The following PTCHD4 variants were observed in gnomAD, a reference collection of about 807,000 sequenced individuals.
PTCHD4 encodes patched domain-containing protein 4.
A neutral mutation model predicts 58.1 loss-of-function variants in PTCHD4; 33 were observed. That is an observed-to-expected ratio of 0.57 (90% CI 0.43 to 0.76). The LOEUF is 0.76. PTCHD4 is among the 30% of genes least tolerant of loss of function. The pLI, the probability that PTCHD4 is intolerant of heterozygous loss-of-function variation, is 0.00. For synonymous variants in PTCHD4, 478 were observed against 409.6 expected, an observed-to-expected ratio of 1.17 and a Z score of -2.02; for missense variants, 1,058 against 1,027.1, an observed-to-expected ratio of 1.03 and a Z score of -0.41.
intron 3 of PTCHD4, among the ~76,000 whole-genome samples, chr6:48,027,362 A>C (rs1277236414): frequency 1.3e-5 from 2 of 152,156 alleles, no homozygotes; most frequent in African/African-American, 4.8e-5. Flanking sequence ...TAATGAAAAC[A>C]CTACATCTTT....
chr6:48,016,732 C>T (rs1248031908), intron 3 of PTCHD4, among the ~76,000 whole-genome samples: 4 of 150,914 alleles, frequency 2.7e-5, no homozygotes, highest in African/African-American at 7.4e-5. Context: ...TTCAATAGCT[C>T]TAGAGTAGAA....
chr6:47,949,928 G>A lies in PTCHD4; in HGVS notation c.898+58706C>T, dbSNP rs995774087. Among the ~76,000 whole-genome samples the A allele has an allele frequency of 3.3e-5, 5 of 151,832 alleles. No homozygotes were observed. The East Asian group carries it at 7.7e-4, about 24-fold the overall frequency. ...AAGTTTTAGGGTATATGTGCACAGT[G>A]TGAAGGTTTGTTACATATGTATACA... is the stretch of plus-strand genomic sequence containing the variant. On this transcript the variant is annotated intron_variant, in intron 4 of 4. Coordinates refer to ENST00000339488, the MANE Select transcript of PTCHD4 (RefSeq NM_001384253.1).
At chr6:47,919,737 AT>A (rs1217003150) in intron 4 of PTCHD4, among the ~76,000 whole-genome samples, 1 of 152,144 alleles carries the variant, frequency 6.6e-6, no homozygotes, top group Non-Finnish European at 1.5e-5. Flanking sequence ...TTAGGCTGTG[AT>A]TTTTAATTTT....
intron 4 of PTCHD4, among the ~76,000 whole-genome samples, chr6:47,972,840 A>C (rs1767568674): frequency 6.6e-6 from 1 of 151,960 alleles, no homozygotes; most frequent in Non-Finnish European, 1.5e-5. Flanking sequence ...TATTGATTAG[A>C]ATTGTTTAAT....
intron 3 of PTCHD4, among the ~76,000 whole-genome samples, chr6:48,033,561 A>G (rs1317978759): frequency 6.6e-6 from 1 of 151,800 alleles, no homozygotes; most frequent in Non-Finnish European, 1.5e-5. Context: ...GCCCCAGGCC[A>G]TATGTATGGC....
intron 3 of PTCHD4, among the ~76,000 whole-genome samples, chr6:48,014,254 A>T (rs568580890): frequency 6.6e-6 from 1 of 152,308 alleles, no homozygotes; most frequent in East Asian, 1.9e-4. Flanking sequence ...AGTTCTGAGA[A>T]ATACACTTTT....
intron 4 of PTCHD4, among the ~76,000 whole-genome samples, chr6:47,925,251 A>G (rs933422162): frequency 1.3e-5 from 2 of 151,704 alleles, no homozygotes; most frequent in African/African-American, 4.8e-5. Flanking sequence ...CTCCTCCAGC[A>G]TCTAAGCTTC....
intron 4 of PTCHD4, among the ~76,000 whole-genome samples, chr6:47,968,581 C>T (rs954733286): frequency 7.9e-5 from 12 of 152,160 alleles, no homozygotes; most frequent in Admixed American, 5.2e-4. Context: ...GTAAATAAGC[C>T]TTTGGCCACT....
intron 3 of PTCHD4, among the ~76,000 whole-genome samples, chr6:48,062,510 G>A (rs1015050220): frequency 6.6e-6 from 1 of 151,982 alleles, no homozygotes; most frequent in Non-Finnish European, 1.5e-5. Context: ...AAAATAAAAG[G>A]AAGCTTAAAA....
chr6:47,910,495 C>T (rs994453076), intron 4 of PTCHD4, among the ~76,000 whole-genome samples: 1 of 152,040 alleles, frequency 6.6e-6, no homozygotes, highest in South Asian at 2.1e-4. Context: ...TTAATAAAAC[C>T]CTTTAGAAAC....
At chr6:48,024,924 G>A (rs557936333) in intron 3 of PTCHD4, among the ~76,000 whole-genome samples, 1 of 152,264 alleles carries the variant, frequency 6.6e-6, no homozygotes, top group Admixed American at 6.5e-5. Context: ...TAAAATGGTA[G>A]TATGCAAAAG....
At chr6:47,880,948 A>G (rs1423548943) in intron 4 of PTCHD4, among the ~76,000 whole-genome samples, 2 of 152,180 alleles carry the variant, frequency 1.3e-5, no homozygotes, top group Admixed American at 1.3e-4. Context: ...CCTGTCAATG[A>G]CCATCCATAA....
intron 3 of PTCHD4, among the ~76,000 whole-genome samples, chr6:48,054,279 G>A (rs1764334372): frequency 2.0e-5 from 3 of 152,084 alleles, no homozygotes; most frequent in African/African-American, 7.2e-5. Flanking sequence ...GCTTAATCTT[G>A]GATATAGTCC....
intron 1 of PTCHD4, among the ~76,000 whole-genome samples, chr6:48,106,683 G>T (rs977056059): frequency 5.3e-5 from 8 of 152,178 alleles, no homozygotes. Flanking sequence ...CAGATGACAT[G>T]ATTGAATGTC....
chr6:47,989,794 G>C (rs1312975102), intron 4 of PTCHD4, among the ~76,000 whole-genome samples: 1 of 152,212 alleles, frequency 6.6e-6, no homozygotes, highest in Non-Finnish European at 1.5e-5. Flanking sequence ...GTGCAGATTG[G>C]AAATGTGGGG....
chr6:47,933,717 C>T (rs1271316577), intron 4 of PTCHD4, among the ~76,000 whole-genome samples: 5 of 152,004 alleles, frequency 3.3e-5, no homozygotes, highest in Admixed American at 3.3e-4. Flanking sequence ...ATCATGAGTA[C>T]TAGTTATTTA....
chr6:48,082,133 A>G (rs1027262889), intron 1 of PTCHD4, among the ~76,000 whole-genome samples: 9 of 152,192 alleles, frequency 5.9e-5, no homozygotes, highest in South Asian at 2.1e-4. Flanking sequence ...AAATATTCCA[A>G]TGCCTATGTC....
Position 47,866,607 on chromosome 6 carries a change from C to G in PTCHD4, c.*11696G>C, listed in dbSNP as rs1275674729. Among the ~76,000 whole-genome samples the G allele has an allele frequency of 6.6e-6, 1 of 151,818 alleles. No individual in the cohort carries two copies. Among genetic ancestry groups the G allele is most frequent in the Admixed American group, 6.6e-5 (1 of 15,206 alleles). ...CTCCCCAGGCCAACTCCAACCTTATCTATAACTCTAAAAAGCATAATTAGG... is the reference window on the plus strand; with the variant it reads ...CTCCCCAGGCCAACTCCAACCTTATGTATAACTCTAAAAAGCATAATTAGG... On this transcript the variant is annotated 3_prime_UTR_variant, in exon 5 of 5. Coordinates refer to ENST00000339488, the MANE Select transcript of PTCHD4 (RefSeq NM_001384253.1).
At chr6:47,980,102 T>C (rs1767826212) in intron 4 of PTCHD4, among the ~76,000 whole-genome samples, 1 of 152,096 alleles carries the variant, frequency 6.6e-6, no homozygotes, top group African/African-American at 2.4e-5. Flanking sequence ...ATTTCATGCA[T>C]AGAGTAAAAA....
Sources: allele counts gnomAD v4.1 joint callset (sites outside exome capture counted in the v4.1 genomes callset), GRCh38; gene constraint gnomAD v4.1.1; transcripts MANE v1.5; gene names NCBI Gene and HGNC (gene_info 2026-07-23, HGNC 2026-07-21).